Variants in SBF1 observed in about 807,000 individuals in gnomAD.
SBF1 encodes myotubularin-related protein 5.
A neutral mutation model predicts 215.8 loss-of-function variants in SBF1; 65 were observed. The observed-to-expected ratio is 0.30, with a 90% CI of 0.25 to 0.37. The LOEUF is 0.37. SBF1 is among the 10% of genes least tolerant of loss of function. The pLI, the probability that SBF1 is intolerant of heterozygous loss-of-function variation, is 1.00. For synonymous variants in SBF1, 1,410 were observed against 1,122.8 expected, an observed-to-expected ratio of 1.26 and a Z score of -5.11; for missense variants, 2,634 against 2,667.8, an observed-to-expected ratio of 0.99 and a Z score of 0.28.
chr22:50,471,521 C>G (rs74943176), intron 1 of SBF1, among the ~76,000 whole-genome samples: 2,774 of 152,282 alleles, frequency 0.018, 89 homozygotes, highest in African/African-American at 0.063. Flanking sequence ...CCAGCCCTGG[C>G]CGGCTCTGCT....
Position 50,464,926 on chromosome 22 carries a change from G to GT in SBF1, c.1333-10dup. Reference sequence around the variant, plus strand: ...ACCTCGTGGGCCACCAGCTAGCGGGGTAAGCAGGAGGTTAGGTAAGCCATG... The same window carrying GT: ...ACCTCGTGGGCCACCAGCTAGCGGGGTTAAGCAGGAGGTTAGGTAAGCCATG... On this transcript the variant is annotated splice_polypyrimidine_tract_variant and intron_variant, in intron 12 of 40. Transcript: ENST00000380817. 1 of 1,613,678 alleles carries GT rather than the reference G, an allele frequency of 6.2e-7. No individual in the cohort carries two copies. Among genetic ancestry groups the GT allele is most frequent in the Non-Finnish European group, 8.5e-7 (1 of 1,179,962 alleles).
intron 25 of SBF1, 27 bp downstream of exon 25, chr22:50,460,245 C>G: frequency 6.2e-7 from 1 of 1,601,636 alleles, no homozygotes; most frequent in Non-Finnish European, 8.5e-7. Context: ...CCAGAGACCA[C>G]CCAGGACTCC....
At chr22:50,465,624 T>G in intron 10 of SBF1, 139 bp downstream of exon 10, 1 of 818,652 alleles carries the variant, frequency 1.2e-6, no homozygotes, top group Non-Finnish European at 1.9e-6. Context: ...TGGCAGCTGC[T>G]TTGCTCCCAG....
rs2067394630 is a variant in SBF1, at chr22:50,459,261, T to A, written c.3820A>T (p.Ser1274Cys). ...LSGFSSAHMGSHVPSPRARVT... is the reference protein window; with the variant it reads ...LSGFSSAHMGCHVPSPRARVT... ...TGCCCACAAGCACCCTCACCGTGAC[T>A]GCCCATGTGGGCTGAGGAGAAGCCG... Residue 1274 changes from serine to cysteine, a missense_variant, in exon 28 of 41, where the codon AGT (serine) becomes TGT (cysteine). Physicochemically the swap from Ser to Cys is moderately radical, Grantham distance 112. Coordinates refer to ENST00000380817, the MANE Select transcript of SBF1 (RefSeq NM_002972.4). 6 of 1,599,568 alleles carry A rather than the reference T, an allele frequency of 3.8e-6. No homozygotes were observed. Among genetic ancestry groups the A allele is most frequent in the Non-Finnish European group, 5.1e-6 (6 of 1,168,854 alleles).
chr22:50,449,747 G>A (rs1486710050), intron 36 of SBF1, among the ~76,000 whole-genome samples: 3 of 152,098 alleles, frequency 2.0e-5, no homozygotes, highest in African/African-American at 7.2e-5. Flanking sequence ...CTTTGAAAGA[G>A]CAACAATAAA....
chr22:50,470,867 C>G (rs1480981505), intron 1 of SBF1, among the ~76,000 whole-genome samples: 2 of 152,222 alleles, frequency 1.3e-5, no homozygotes, highest in Admixed American at 6.5e-5. Context: ...ATGGAGGGCC[C>G]TGCAGCCCTC....
chr22:50,453,645 G>C (rs1171688105), intron 36 of SBF1, among the ~76,000 whole-genome samples: 1 of 152,152 alleles, frequency 6.6e-6, no homozygotes, highest in Non-Finnish European at 1.5e-5. Flanking sequence ...AAATTAGCTG[G>C]GCGTGGTGGT....
chr22:50,447,069 GC>G lies in SBF1; in HGVS notation c.*72del. 1 of 1,351,820 alleles carries G rather than the reference GC, an allele frequency of 7.4e-7. No individual in the cohort carries two copies. 83.7% of individuals were successfully genotyped at this position (1,351,820 alleles called of 1,614,324 possible). ...GTCGAGGGCCGGGGCTGTAAACATGGCCGGGGCGGCCCTGCCCACCCCTAGT... is the reference window on the plus strand; with the variant it reads ...GTCGAGGGCCGGGGCTGTAAACATGGCGGGGCGGCCCTGCCCACCCCTAGT... On this transcript the variant is annotated 3_prime_UTR_variant, in exon 41 of 41. Coordinates refer to ENST00000380817, the MANE Select transcript of SBF1 (RefSeq NM_002972.4).
Position 50,456,571 on chromosome 22 carries a change from T to G in SBF1, c.4007A>C (p.Asn1336Thr). The change falls in exon 30 of 41, where the codon AAC (asparagine) becomes ACC (threonine). Residue 1336 changes from asparagine (N) to threonine (T), a missense_variant. Coordinates refer to ENST00000380817, the MANE Select transcript of SBF1 (RefSeq NM_002972.4). ...GRDALAPPQA[N>T]GGPPDPGFLR... Reference sequence around the variant, plus strand: ...GAAGCCCGGGTCGGGAGGGCCCCCGTTGGCCTGGGGTGGGGCCAGCGCGTC... The same window carrying G: ...GAAGCCCGGGTCGGGAGGGCCCCCGGTGGCCTGGGGTGGGGCCAGCGCGTC... The G allele has an allele frequency of 6.4e-7, 1 of 1,570,872 alleles. No individual in the cohort carries two copies. Among genetic ancestry groups the G allele is most frequent in the Non-Finnish European group, 8.6e-7 (1 of 1,159,716 alleles).
chr22:50,466,784 C>T (rs897801582), intron 5 of SBF1, 74 bp from the exon 6 acceptor site: 7 of 1,038,366 alleles, frequency 6.7e-6, no homozygotes, highest in Non-Finnish European at 9.7e-6. Flanking sequence ...GCTCTGTGTC[C>T]CCAGGCAGAC....
chr22:50,459,395 G>T lies in SBF1; in HGVS notation c.3689-3C>A. ...ACTCGAGTCCGCCTGGGACTGGCCT[G>T]GGGGAGGACACGGAGCTGAGGGAGG... On this transcript the variant is annotated splice_region_variant and splice_polypyrimidine_tract_variant and intron_variant, in intron 27 of 40. Coordinates refer to ENST00000380817, the MANE Select transcript of SBF1 (RefSeq NM_002972.4). 1.2e-6 allele frequency: 2 copies of T among 1,612,114 alleles called. No individual in the cohort carries two copies. Among genetic ancestry groups the T allele is most frequent in the Non-Finnish European group, 1.7e-6 (2 of 1,179,166 alleles).
chr22:50,455,303 T>C lies in SBF1; in HGVS notation c.4475A>G (p.His1492Arg). 3 of 1,613,424 alleles carry C rather than the reference T, an allele frequency of 1.9e-6. No homozygotes were observed. Among genetic ancestry groups the C allele is most frequent in the Non-Finnish European group, 2.5e-6 (3 of 1,179,924 alleles). Residue 1492 changes from histidine to arginine, a missense_variant, in exon 33 of 41, where the codon CAC becomes CGC. Physicochemically the swap from His to Arg is conservative, Grantham distance 29 (BLOSUM62 0). Coordinates refer to ENST00000380817, the MANE Select transcript of SBF1 (RefSeq NM_002972.4). ...EWLSFGHRFS[H>R]RGAHTLAGQS... ...CCCGGCCAGGGTGTGAGCTCCACGG[T>C]GGCTGAAGCGATGGCCGAAGGACAG... is the stretch of plus-strand genomic sequence containing the variant.
At position 50,462,124 on chromosome 22, in the gene SBF1, G is replaced by A; in HGVS notation, c.2397-5C>T. The A allele has an allele frequency of 1.9e-6, 3 of 1,612,596 alleles. No homozygotes were observed. The highest frequency in any genetic ancestry group is 1.3e-5 in the African/African-American group (1 of 75,064). On this transcript the variant is annotated splice_polypyrimidine_tract_variant and splice_region_variant and intron_variant, in intron 19 of 40. Coordinates refer to ENST00000380817, the MANE Select transcript of SBF1 (RefSeq NM_002972.4). ...TCGGCCACACTGCCAGCCATGCTGG[G>A]CCAGAGAAGAAACTGTGGGCATGGG...
At chr22:50,474,689 GCCCCCAGCCCCCGGCCCTCGA>G in intron 1 of SBF1, 76 bp downstream of exon 1, 1 of 1,032,626 alleles carries the variant, frequency 9.7e-7, no homozygotes, top group Non-Finnish European at 1.3e-6. Flanking sequence ...CCAGCCCTCG[GCCCCCAGCCCCCGGCCCTCGA>G]CCCTCAGACC....
chr22:50,453,776 G>C (rs2067139797), intron 36 of SBF1, among the ~76,000 whole-genome samples: 2 of 151,806 alleles, frequency 1.3e-5, no homozygotes, highest in Non-Finnish European at 2.9e-5. Context: ...GACAGAGCGA[G>C]ACTCCATCTC....
chr22:50,446,915 G>C lies in SBF1; in HGVS notation c.*227C>G. 1.4e-6 allele frequency: 1 copy of C among 727,662 alleles called. No individual in the cohort carries two copies. The highest frequency in any genetic ancestry group is 2.5e-6 in the Non-Finnish European group (1 of 399,504). The allele number at this position is 727,662 out of a possible 1,614,324, so 45.1% of individuals were successfully genotyped here. ...CGGACTATTTACAGGCCCATTGCGG[G>C]CTGTACCTTGGCCACCTCCCGGCAC... On this transcript the variant is annotated 3_prime_UTR_variant, in exon 41 of 41. Coordinates refer to ENST00000380817, the MANE Select transcript of SBF1 (RefSeq NM_002972.4).
Position 50,474,857 on chromosome 22 carries a change from CGGCCCGAGGGGCGCGGGCG to C in SBF1, c.-36_-18del. On this transcript the variant is annotated 5_prime_UTR_variant, in exon 1 of 41. Transcript: ENST00000380817. ...CCGCGCCATGGCGAGGGACGCGGGG[CGGCCCGAGGGGCGCGGGCG>C]GGCTCCGCGGCTCGGGGACTCGAGG... 7.2e-7 allele frequency: 1 copy of C among 1,392,982 alleles called. No individual in the cohort carries two copies. The highest frequency in any genetic ancestry group is 3.3e-5 in the East Asian group (1 of 30,224). 86.3% of individuals were successfully genotyped at this position (1,392,982 alleles called of 1,614,324 possible).
rs201399007 is a variant in SBF1, at chr22:50,456,656, G to A, written c.3922C>T (p.Arg1308Trp). 1,357 of 1,488,594 alleles carry A rather than the reference G, an allele frequency of 9.1e-4. 2 individuals are homozygous for A. The highest frequency in any genetic ancestry group is 1.8e-3 in the Admixed American group (73 of 41,302). 92.2% of individuals were successfully genotyped at this position (1,488,594 alleles called of 1,614,324 possible). The change falls in exon 30 of 41, where the codon CGG (arginine) becomes TGG (tryptophan). Residue 1308 changes from arginine to tryptophan, a missense_variant. By Grantham distance (101) the Arg-to-Trp change is moderately radical. Transcript: ENST00000380817. ...TAPRGKWGSV[R>W]TSGRSSGLGT... ...AGGCCACTGCTGCGTCCACTGGTCC[G>A]GACACTGCCCCACTTACCTGTGAAG...
At position 50,474,928 on chromosome 22, in the gene SBF1, CCCTGGA is replaced by C. The variant is rs1272780197; in HGVS notation, c.-94_-89del. Reference sequence around the variant, plus strand: ...CGGCGCGCTCATGGCCCGGCCCCGGCCCTGGACCGCGCACCCCGGACACCCCTGGTT... The same window carrying C: ...CGGCGCGCTCATGGCCCGGCCCCGGCCCGCGCACCCCGGACACCCCTGGTT... On this transcript the variant is annotated 5_prime_UTR_variant, in exon 1 of 41. Coordinates refer to ENST00000380817, the MANE Select transcript of SBF1 (RefSeq NM_002972.4). 11 of 978,354 alleles carry C rather than the reference CCCTGGA, an allele frequency of 1.1e-5. No homozygotes were observed. Among genetic ancestry groups the C allele is most frequent in the African/African-American group, 3.5e-5 (2 of 56,430 alleles). The allele number at this position is 978,354 out of a possible 1,614,324, so 60.6% of individuals were successfully genotyped here.
Sources: gnomAD v4.1 joint callset for allele counts (sites outside exome capture counted in the v4.1 genomes callset) on GRCh38, gnomAD v4.1.1 for gene constraint, MANE v1.5 for transcripts, NCBI Gene and HGNC (gene_info 2026-07-23, HGNC 2026-07-21) for gene names.